Variants in CHIC1 observed in about 807,000 individuals in gnomAD.
CHIC1 encodes cysteine-rich hydrophobic domain-containing protein 1.
CHIC1 carries 7 observed loss-of-function variants against 18.5 expected under a neutral mutation model. That is an observed-to-expected ratio of 0.38 (90% CI 0.22 to 0.71). CHIC1 has a LOEUF of 0.71. Ranked by LOEUF, CHIC1 falls within the 30% of genes least tolerant of loss-of-function variation. CHIC1 has a pLI of 0.49. For missense variants in CHIC1, 159 were observed against 176.9 expected (o/e 0.90, Z 0.57); for synonymous variants, 77 against 73.5 (o/e 1.05, Z -0.25).
rs1194100833 is a variant in CHIC1, at chrX:73,681,095, G to A, written c.*90G>A. 1.5e-5 allele frequency: 8 copies of A among 517,166 alleles called. No individual in the cohort carries two copies. Among genetic ancestry groups the A allele is most frequent in the Non-Finnish European group, 2.5e-5 (8 of 314,377 alleles). The allele number at this position is 517,166 out of a possible 1,213,427, so 42.6% of individuals were successfully genotyped here. A position where few individuals can be genotyped will look rare whatever the true frequency, so the allele number is the denominator to read the frequency against. On this transcript the variant is annotated 3_prime_UTR_variant, in exon 6 of 6. Transcript: ENST00000373502. ...GAATGAAGATGGTCTCCTTTGCTGT[G>A]TTCAACTTATTCTTTATAATGGTAG...
intron 3 of CHIC1, among the ~76,000 whole-genome samples, chrX:73,667,232 C>T (rs1374702648): frequency 1.8e-5 from 2 of 111,651 alleles, no homozygotes; most frequent in African/African-American, 6.5e-5. Context: ...TTATTTTTAG[C>T]ATATTTTTGT....
intron 3 of CHIC1, among the ~76,000 whole-genome samples, chrX:73,608,218 G>T (rs2057691877): frequency 9.2e-6 from 1 of 109,020 alleles, no homozygotes; most frequent in Non-Finnish European, 1.9e-5. Flanking sequence ...ACGTATTTGA[G>T]ACTTTACTTC....
At chrX:73,581,502 C>T (rs1020741973) in intron 2 of CHIC1, among the ~76,000 whole-genome samples, 1 of 110,745 alleles carries the variant, frequency 9.0e-6, no homozygotes, top group Non-Finnish European at 1.9e-5. Context: ...ATTTCTTTCA[C>T]GTTGTTTAAA....
chrX:73,666,723 C>CT (rs909107273), intron 3 of CHIC1, among the ~76,000 whole-genome samples: 2 of 112,181 alleles, frequency 1.8e-5, no homozygotes, highest in African/African-American at 6.5e-5. Context: ...CTCTGAGAGA[C>CT]TATTATGATT....
At chrX:73,669,202 C>T (rs2058018447) in intron 3 of CHIC1, among the ~76,000 whole-genome samples, 1 of 111,012 alleles carries the variant, frequency 9.0e-6, no homozygotes, top group African/African-American at 3.3e-5. Flanking sequence ...ACCAACCAAC[C>T]CAAGTGGTGG....
intron 3 of CHIC1, among the ~76,000 whole-genome samples, chrX:73,601,971 A>G (rs1336536496): frequency 9.5e-6 from 1 of 104,907 alleles, no homozygotes; most frequent in Non-Finnish European, 1.9e-5. Context: ...GAAGAAATGG[A>G]TAAATTCCTG....
intron 3 of CHIC1, among the ~76,000 whole-genome samples, chrX:73,640,465 C>CAT (rs1369220947): frequency 9.0e-6 from 1 of 111,665 alleles, no homozygotes; most frequent in Non-Finnish European, 1.9e-5. Context: ...CATCTATGTT[C>CAT]ATCAAGGATA....
chrX:73,613,995 G>C (rs2057721042), intron 3 of CHIC1, among the ~76,000 whole-genome samples: 1 of 111,677 alleles, frequency 9.0e-6, no homozygotes, highest in Non-Finnish European at 1.9e-5. Context: ...ATGAGGGCAG[G>C]TAGTGTGCTT....
intron 3 of CHIC1, among the ~76,000 whole-genome samples, chrX:73,651,145 A>C (rs2057914327): frequency 1.8e-5 from 2 of 112,064 alleles, no homozygotes; most frequent in Non-Finnish European, 3.8e-5. Flanking sequence ...ACATTCCTTC[A>C]TGTTAAAACT....
chrX:73,621,820 T>C (rs1296759440), intron 3 of CHIC1, among the ~76,000 whole-genome samples: 1 of 112,273 alleles, frequency 8.9e-6, no homozygotes, highest in Non-Finnish European at 1.9e-5. Context: ...CAGTATGATA[T>C]TGACTGTGGG....
chrX:73,605,898 C>T (rs983343742), intron 3 of CHIC1, among the ~76,000 whole-genome samples: 9 of 108,293 alleles, frequency 8.3e-5, no homozygotes, highest in Non-Finnish European at 1.5e-4. Flanking sequence ...GTGGGTAACC[C>T]GACTTTTCTC....
chrX:73,583,403 A>T (rs1432835695), intron 2 of CHIC1, among the ~76,000 whole-genome samples: 1 of 111,227 alleles, frequency 9.0e-6, no homozygotes, highest in Non-Finnish European at 1.9e-5. Context: ...TATTTGGAAT[A>T]GTAGTAGTAA....
chrX:73,657,883 T>A (rs1209899587), intron 3 of CHIC1, among the ~76,000 whole-genome samples: 1 of 111,999 alleles, frequency 8.9e-6, no homozygotes, highest in East Asian at 2.8e-4. Flanking sequence ...TTATGTAGTT[T>A]TTTTCTTTAC....
chrX:73,632,856 C>T (rs192521472), intron 3 of CHIC1, among the ~76,000 whole-genome samples: 1 of 104,184 alleles, frequency 9.6e-6, no homozygotes, highest in East Asian at 3.0e-4. Context: ...GCAAGCTCCA[C>T]CTCCCAGGTT....
intron 3 of CHIC1, among the ~76,000 whole-genome samples, chrX:73,617,178 TA>T (rs1893090303): frequency 1.8e-5 from 2 of 111,870 alleles, no homozygotes; most frequent in African/African-American, 6.5e-5. Context: ...ATCTCTAGGA[TA>T]GGGGCAAAAT....
chrX:73,595,147 G>T (rs1206672249), intron 3 of CHIC1, among the ~76,000 whole-genome samples: 1 of 110,724 alleles, frequency 9.0e-6, no homozygotes, highest in African/African-American at 3.3e-5. Flanking sequence ...TATGGCAATT[G>T]TTTAGCTTTT....
At chrX:73,618,794 C>A (rs1290726611) in intron 3 of CHIC1, among the ~76,000 whole-genome samples, 1 of 112,507 alleles carries the variant, frequency 8.9e-6, no homozygotes, top group Non-Finnish European at 1.9e-5. Flanking sequence ...TTCACCTCCT[C>A]CCCTGATTTC....
chrX:73,685,989 G>T lies in CHIC1; in HGVS notation c.*4984G>T, dbSNP rs1400415501. On this transcript the variant is annotated 3_prime_UTR_variant, in exon 6 of 6. Transcript: ENST00000373502. ...TTGTAATATTTCAAAAAGTATATTAGAAATTATACATTTACCCATAATATT... is the reference window on the plus strand; with the variant it reads ...TTGTAATATTTCAAAAAGTATATTATAAATTATACATTTACCCATAATATT... 1 of 111,114 alleles carries T rather than the reference G, an allele frequency of 9.0e-6. No individual in the cohort carries two copies. Among genetic ancestry groups the T allele is most frequent in the African/African-American group, 3.3e-5 (1 of 30,733 alleles). 9.2% of individuals were successfully genotyped at this position (111,114 alleles called of 1,213,427 possible). A position where few individuals can be genotyped will look rare whatever the true frequency, so the allele number is the denominator to read the frequency against.
intron 1 of CHIC1, among the ~76,000 whole-genome samples, chrX:73,574,002 T>C (rs1349224839): frequency 2.7e-5 from 3 of 110,611 alleles, no homozygotes; most frequent in South Asian, 3.8e-4. Context: ...TTTTTTCTTG[T>C]TCCAGTTCTC....
Sources: allele counts gnomAD v4.1 joint callset (sites outside exome capture counted in the v4.1 genomes callset), GRCh38; gene constraint gnomAD v4.1.1; transcripts MANE v1.5; gene names NCBI Gene and HGNC (gene_info 2026-07-23, HGNC 2026-07-21).